PRKCB: variants seen among roughly 807,000 people sequenced by gnomAD.
PRKCB encodes protein kinase C beta.
Under a neutral mutation model 81.5 loss-of-function variants are expected in PRKCB, and 13 were observed. The ratio of observed to expected loss-of-function variants is 0.16; its 90% CI spans 0.10 to 0.25. PRKCB has a LOEUF of 0.25. Ranked by LOEUF, PRKCB falls within the 10% of genes least tolerant of loss-of-function variation. The pLI is 1.00. For synonymous variants in PRKCB, 335 were observed against 321.4 expected, an observed-to-expected ratio of 1.04 and a Z score of -0.45; for missense variants, 509 against 875.7, an observed-to-expected ratio of 0.58 and a Z score of 5.29.
chr16:24,165,267 C>T (rs768670228), intron 10 of PRKCB, among the ~76,000 whole-genome samples: 7 of 152,192 alleles, frequency 4.6e-5, no homozygotes, highest in Non-Finnish European at 8.8e-5. Context: ...CCTGGAACTT[C>T]TGGGCTCAAA....
chr16:23,925,124 G>C (rs1191160977), intron 2 of PRKCB, among the ~76,000 whole-genome samples: 2 of 152,090 alleles, frequency 1.3e-5, no homozygotes, highest in Non-Finnish European at 2.9e-5. Flanking sequence ...CCCCTCAGTG[G>C]AGGGAAAATG....
chr16:23,894,622 T>C (rs559641635), intron 2 of PRKCB, among the ~76,000 whole-genome samples: 2 of 152,348 alleles, frequency 1.3e-5, no homozygotes, highest in African/African-American at 4.8e-5. Context: ...GGTGACACCA[T>C]GTAGAACCGA....
At chr16:24,126,288 C>T (rs1318544912) in intron 9 of PRKCB, among the ~76,000 whole-genome samples, 1 of 152,108 alleles carries the variant, frequency 6.6e-6, no homozygotes, top group Non-Finnish European at 1.5e-5. Context: ...AGAATTGAGG[C>T]ATTGAGATTT....
intron 2 of PRKCB, among the ~76,000 whole-genome samples, chr16:23,838,232 A>G (rs1962203434): frequency 6.6e-6 from 1 of 152,128 alleles, no homozygotes; most frequent in Non-Finnish European, 1.5e-5. Context: ...GAACTGGGAG[A>G]TTTCACATAC....
intron 3 of PRKCB, among the ~76,000 whole-genome samples, chr16:23,994,281 G>C (rs990475059): frequency 6.6e-6 from 1 of 152,194 alleles, no homozygotes; most frequent in Non-Finnish European, 1.5e-5. Flanking sequence ...GCTCAGGTCT[G>C]TCTTACAGTG....
chr16:24,167,561 G>GA (rs60263864), intron 10 of PRKCB, among the ~76,000 whole-genome samples: 1,813 of 142,528 alleles, frequency 0.013, 19 homozygotes, highest in African/African-American at 0.032. Flanking sequence ...CCCTGCCACA[G>GA]AAAAAAAAAA....
intron 3 of PRKCB, among the ~76,000 whole-genome samples, chr16:24,014,027 G>A (rs1965241286): frequency 6.6e-6 from 1 of 152,192 alleles, no homozygotes; most frequent in Non-Finnish European, 1.5e-5. Flanking sequence ...AACTCACCGT[G>A]TCCTTCTATA....
chr16:24,027,680 A>AT (rs1220490520), intron 3 of PRKCB, among the ~76,000 whole-genome samples: 5 of 152,224 alleles, frequency 3.3e-5, no homozygotes, highest in African/African-American at 1.2e-4. Flanking sequence ...TTTGTAGCTC[A>AT]TTAACAAGAT....
intron 2 of PRKCB, among the ~76,000 whole-genome samples, chr16:23,875,482 T>G (rs112809690): frequency 0.15 from 473 of 3,106 alleles, 11 homozygotes; most frequent in South Asian, 0.43. Flanking sequence ...ACTAAAAAGA[T>G]ATATATATAT....
At chr16:24,068,166 C>T (rs1375334120) in intron 5 of PRKCB, among the ~76,000 whole-genome samples, 2 of 152,110 alleles carry the variant, frequency 1.3e-5, no homozygotes, top group East Asian at 3.9e-4. Context: ...GTCCTGAACC[C>T]CAATTTTTGT....
rs1968195544 is a variant in PRKCB, at chr16:24,214,672, T to C, written c.1878T>C (p.Ala626=). The C allele has an allele frequency of 6.2e-7, 1 of 1,614,040 alleles. No homozygotes were observed. The highest frequency in any genetic ancestry group is 1.1e-5 in the South Asian group (1 of 91,080). ...PYKPKACGRN[A]ENFDRFFTRH... ...CCCTCTCATAGTGTGGGCGAAATGC[T>C]GAAAACTTCGACCGATTTTTCACCC... The change falls in exon 17 of 17, where the codon GCT becomes GCC. Residue 626 remains alanine (A), a synonymous_variant. Transcript: ENST00000643927.
At chr16:24,146,801 C>T (rs1966997063) in intron 9 of PRKCB, among the ~76,000 whole-genome samples, 1 of 152,204 alleles carries the variant, frequency 6.6e-6, no homozygotes, top group Admixed American at 6.5e-5. Flanking sequence ...CACATCCTTT[C>T]AGTCTGTTTG....
chr16:24,111,823 A>G (rs1159615167), intron 7 of PRKCB, among the ~76,000 whole-genome samples: 4 of 152,208 alleles, frequency 2.6e-5, no homozygotes, highest in Non-Finnish European at 4.4e-5. Context: ...GACATTAGTC[A>G]CAGTAATAAT....
intron 2 of PRKCB, among the ~76,000 whole-genome samples, chr16:23,979,803 T>A (rs948394098): frequency 6.6e-6 from 1 of 152,098 alleles, no homozygotes; most frequent in African/African-American, 2.4e-5. Context: ...CTTGGGCAAA[T>A]TACTTCTCTC....
chr16:24,096,664 AAAATATATATAT>A (rs1411982540), intron 7 of PRKCB, among the ~76,000 whole-genome samples: 4,677 of 85,422 alleles, frequency 0.055, 266 homozygotes, highest in Middle Eastern at 0.065. Context: ...AAAAAAAAAA[AAAATATATATAT>A]ATATATATAT....
chr16:23,914,160 T>C (rs1963703817), intron 2 of PRKCB, among the ~76,000 whole-genome samples: 1 of 152,180 alleles, frequency 6.6e-6, no homozygotes, highest in African/African-American at 2.4e-5. Context: ...GGCATGTGCC[T>C]CCCTGCCCAG....
At chr16:23,949,237 G>A (rs28379198) in intron 2 of PRKCB, among the ~76,000 whole-genome samples, 5,502 of 152,252 alleles carry the variant, frequency 0.036, 160 homozygotes, top group African/African-American at 0.077. Flanking sequence ...AAGAACGAAC[G>A]AATGGACAAA....
intron 5 of PRKCB, among the ~76,000 whole-genome samples, chr16:24,084,926 A>G (rs1966293499): frequency 6.6e-6 from 1 of 152,124 alleles, no homozygotes; most frequent in African/African-American, 2.4e-5. Flanking sequence ...TATGTGTGAC[A>G]CTTTCCCCTG....
In PRKCB at chr16:24,193,164, C is replaced by T. The variant is rs538386087; in HGVS notation, c.1863+1934C>T. On this transcript the variant is annotated intron_variant, in intron 16 of 16. Transcript: ENST00000643927. ...ATTTTTAAATAAATGGGGTCTTGGC[C>T]GGGTGCGGTGCCTCACGCCTATAAT... is the stretch of plus-strand genomic sequence containing the variant. Among the ~76,000 whole-genome samples the T allele has an allele frequency of 1.1e-3, 163 of 151,850 alleles. No individual in the cohort carries two copies. The Middle Eastern group carries it at 0.017, about 16-fold the overall frequency.
Sources: gnomAD v4.1 joint callset for allele counts (sites outside exome capture counted in the v4.1 genomes callset) on GRCh38, gnomAD v4.1.1 for gene constraint, MANE v1.5 for transcripts, NCBI Gene and HGNC (gene_info 2026-07-23, HGNC 2026-07-21) for gene names.